Variants in RSU1 observed in about 807,000 individuals in gnomAD.
RSU1 encodes rsu-1.
Under a neutral mutation model 31.1 loss-of-function variants are expected in RSU1, and 26 were observed. The ratio of observed to expected loss-of-function variants is 0.84; its 90% confidence interval spans 0.61 to 1.16. The LOEUF (loss-of-function observed/expected upper bound fraction) is 1.16. Ranked by LOEUF, RSU1 falls within the 50% of genes most tolerant of loss-of-function variation. The pLI is 0.00. For missense variants in RSU1, 320 were observed against 339.1 expected (o/e 0.94, Z 0.44); for synonymous variants, 164 against 136.3 (o/e 1.20, Z -1.41).
intron 3 of RSU1, chr10:16,767,483 A>G (rs1472875688): frequency 6.6e-6 from 1 of 152,196 alleles, no homozygotes; most frequent in Non-Finnish European, 1.5e-5. Flanking sequence ...CCCATATTCA[A>G]TTTACAAAAC....
chr10:16,595,638 G>A (rs1341576354), intron 8 of RSU1, among the ~76,000 whole-genome samples: 2 of 152,160 alleles, frequency 1.3e-5, no homozygotes, highest in Non-Finnish European at 2.9e-5. Context: ...CTTGTGTAAT[G>A]GAGACAGTAG....
intron 8 of RSU1, among the ~76,000 whole-genome samples, chr10:16,643,870 G>A (rs12251966): frequency 0.32 from 48,387 of 151,500 alleles, 8,360 homozygotes; most frequent in African/African-American, 0.45. Context: ...GGATGGCTGC[G>A]TCTGTACTGA....
At chr10:16,750,791 G>A (rs984898503) in intron 7 of RSU1, among the ~76,000 whole-genome samples, 3 of 151,904 alleles carry the variant, frequency 2.0e-5, no homozygotes, top group Admixed American at 1.3e-4. Flanking sequence ...GCAAGTTTTT[G>A]AGTTCTGCAG....
chr10:16,619,488 G>C (rs1393879521), intron 8 of RSU1, among the ~76,000 whole-genome samples: 6 of 152,234 alleles, frequency 3.9e-5, no homozygotes, highest in Non-Finnish European at 8.8e-5. Context: ...TCTCACCCCA[G>C]TGTAGCATTA....
intron 2 of RSU1, among the ~76,000 whole-genome samples, chr10:16,810,246 A>T (rs1188236549): frequency 1.3e-5 from 2 of 152,184 alleles, no homozygotes; most frequent in Non-Finnish European, 2.9e-5. Context: ...ATAAAAAAAT[A>T]AAAAAATAGA....
chr10:16,798,139 G>A (rs1309086302), intron 2 of RSU1, among the ~76,000 whole-genome samples: 5 of 151,922 alleles, frequency 3.3e-5, no homozygotes, highest in South Asian at 2.1e-4. Context: ...TGGGATTATA[G>A]GCATGAGGGA....
chr10:16,665,699 T>C (rs1239164151), intron 8 of RSU1, among the ~76,000 whole-genome samples: 2 of 152,254 alleles, frequency 1.3e-5, no homozygotes, highest in Admixed American at 1.3e-4. Flanking sequence ...CCCATGGAGA[T>C]ATCTTCTAAA....
intron 2 of RSU1, among the ~76,000 whole-genome samples, chr10:16,785,499 T>TATATATAC (rs1384184897): frequency 1.6e-5 from 2 of 123,066 alleles, no homozygotes; most frequent in African/African-American, 7.3e-5. Context: ...CATATATATA[T>TATATATAC]ACACATATAT....
intron 6 of RSU1, 24 bp downstream of exon 6, chr10:16,752,894 T>C (rs765652407): frequency 1.2e-6 from 2 of 1,600,468 alleles, no homozygotes; most frequent in East Asian, 4.5e-5. Flanking sequence ...ATTGATTTTC[T>C]AAGAATTTAG....
chr10:16,773,247 C>T (rs1189404239), intron 3 of RSU1, among the ~76,000 whole-genome samples: 1 of 151,370 alleles, frequency 6.6e-6, no homozygotes, highest in Non-Finnish European at 1.5e-5. Context: ...TCAAATCCAT[C>T]AAGAGGCCAC....
At chr10:16,766,842 C>T (rs547520289) in intron 3 of RSU1, among the ~76,000 whole-genome samples, 4 of 150,908 alleles carry the variant, frequency 2.7e-5, no homozygotes, top group Non-Finnish European at 5.9e-5. Context: ...GGTGAAACCC[C>T]ATCTCTACAA....
intron 8 of RSU1, among the ~76,000 whole-genome samples, chr10:16,688,655 A>G (rs1185130125): frequency 6.6e-6 from 1 of 152,194 alleles, no homozygotes; most frequent in Non-Finnish European, 1.5e-5. Context: ...TGAAGAAAAT[A>G]TATATCACCA....
intron 2 of RSU1, among the ~76,000 whole-genome samples, chr10:16,782,863 TA>T (rs1837683649): frequency 6.6e-6 from 1 of 150,546 alleles, no homozygotes; most frequent in East Asian, 1.9e-4. Context: ...TGTCAGCATT[TA>T]CACACATATG....
intron 7 of RSU1, among the ~76,000 whole-genome samples, chr10:16,749,262 G>A (rs1189228157): frequency 6.6e-6 from 1 of 152,118 alleles, no homozygotes; most frequent in Non-Finnish European, 1.5e-5. Context: ...ACACAATCAC[G>A]TATTAAACCT....
At chr10:16,739,246 C>G (rs1028289059) in intron 7 of RSU1, among the ~76,000 whole-genome samples, 1 of 152,116 alleles carries the variant, frequency 6.6e-6, no homozygotes, top group Admixed American at 6.5e-5. Flanking sequence ...ATTGCTGGAT[C>G]AAATGGTATT....
At chr10:16,805,971 A>C (rs1234921973) in intron 2 of RSU1, among the ~76,000 whole-genome samples, 2 of 152,314 alleles carry the variant, frequency 1.3e-5, no homozygotes, top group East Asian at 3.9e-4. Flanking sequence ...TGGCAGTCTC[A>C]GGACTTAAAG....
At chr10:16,605,182 T>C (rs2131462130) in intron 8 of RSU1, among the ~76,000 whole-genome samples, 1 of 152,336 alleles carries the variant, frequency 6.6e-6, no homozygotes, top group South Asian at 2.1e-4. Flanking sequence ...TCTTGATGAA[T>C]ACGTCACCAC....
chr10:16,788,452 C>T (rs1837842032), intron 2 of RSU1, among the ~76,000 whole-genome samples: 1 of 152,158 alleles, frequency 6.6e-6, no homozygotes, highest in African/African-American at 2.4e-5. Flanking sequence ...TAAGAGGAGA[C>T]ATGTGAGACA....
intron 7 of RSU1, among the ~76,000 whole-genome samples, chr10:16,736,672 G>C (rs1032419142): frequency 6.6e-6 from 1 of 151,942 alleles, no homozygotes; most frequent in Non-Finnish European, 1.5e-5. Flanking sequence ...TAGACATTCA[G>C]AGTAAGAGGA....
Sources: allele counts gnomAD v4.1 joint callset (sites outside exome capture counted in the v4.1 genomes callset), GRCh38; gene constraint gnomAD v4.1.1; transcripts MANE v1.5; gene names NCBI Gene and HGNC (gene_info 2026-07-23, HGNC 2026-07-21).